Variants in LRRTM4 observed in about 807,000 individuals in gnomAD.
LRRTM4 encodes leucine rich repeat transmembrane neuronal 4.
Under a neutral mutation model 47.6 loss-of-function variants are expected in LRRTM4, and 25 were observed. That is an observed-to-expected ratio of 0.53 (90% CI 0.38 to 0.73). The LOEUF (loss-of-function observed/expected upper bound fraction) is 0.73, where lower values mean the gene tolerates loss of function less well. LRRTM4 is among the 30% of genes least tolerant of loss of function. LRRTM4 has a pLI of 0.00. For missense variants in LRRTM4, 638 were observed against 713.4 expected (o/e 0.89, Z 1.20); for synonymous variants, 311 against 269.5 (o/e 1.15, Z -1.51).
intron 3 of LRRTM4, among the ~76,000 whole-genome samples, chr2:77,402,758 C>A (rs548246108): frequency 3.9e-5 from 6 of 152,008 alleles, no homozygotes; most frequent in Admixed American, 2.6e-4. Context: ...TGATTCAGAT[C>A]CCCCATCCTC....
At chr2:77,068,943 G>A (rs187034973) in intron 3 of LRRTM4, among the ~76,000 whole-genome samples, 5 of 152,302 alleles carry the variant, frequency 3.3e-5, no homozygotes, top group Admixed American at 1.3e-4. Flanking sequence ...TAGCATGAGC[G>A]ATCTGTGCCT....
At chr2:77,164,383 C>T (rs1672820924) in intron 3 of LRRTM4, among the ~76,000 whole-genome samples, 1 of 152,124 alleles carries the variant, frequency 6.6e-6, no homozygotes, top group Non-Finnish European at 1.5e-5. Flanking sequence ...ACCCTACTGT[C>T]AACATTAGAC....
At chr2:76,819,102 G>T (rs923667034) in intron 3 of LRRTM4, among the ~76,000 whole-genome samples, 4 of 151,776 alleles carry the variant, frequency 2.6e-5, no homozygotes, top group African/African-American at 9.6e-5. Context: ...GACAAATGAG[G>T]TTTGATTAAA....
chr2:77,090,595 G>A (rs553420190), intron 3 of LRRTM4, among the ~76,000 whole-genome samples: 2 of 152,028 alleles, frequency 1.3e-5, no homozygotes, highest in Admixed American at 6.5e-5. Context: ...ACTTCCAAAC[G>A]CCTGAACCGC....
chr2:76,759,180 A>G lies in LRRTM4; in HGVS notation c.1552-10264T>C, dbSNP rs116422737. Among the ~76,000 whole-genome samples the G allele has an allele frequency of 3.2e-3, 492 of 152,286 alleles. 3 individuals are homozygous for G. The highest frequency in any genetic ancestry group is 0.011 in the African/African-American group (462 of 41,554). On this transcript the variant is annotated intron_variant, in intron 3 of 3. Transcript: ENST00000409884. ...TACTCAAGGAGTTTATTAAGAACTG[A>G]CAGAATGAGACAAACCTAATTCCAC...
intron 3 of LRRTM4, among the ~76,000 whole-genome samples, chr2:77,088,312 CA>C (rs1469078062): frequency 3.3e-5 from 5 of 152,068 alleles, no homozygotes; most frequent in African/African-American, 9.7e-5. Context: ...TTAAGAATCA[CA>C]AAAGAAGTGA....
chr2:76,930,579 G>T (rs965605536), intron 3 of LRRTM4, among the ~76,000 whole-genome samples: 5 of 152,124 alleles, frequency 3.3e-5, no homozygotes, highest in Non-Finnish European at 7.4e-5. Context: ...TTCTCCGGGA[G>T]ATTTTCTTCA....
At chr2:77,173,837 T>G (rs1673120155) in intron 3 of LRRTM4, among the ~76,000 whole-genome samples, 1 of 152,156 alleles carries the variant, frequency 6.6e-6, no homozygotes, top group African/African-American at 2.4e-5. Flanking sequence ...ATCAGTTGTT[T>G]CCTATCCTAG....
In LRRTM4 at chr2:77,417,767, G is replaced by T. The variant is rs139115261; in HGVS notation, c.1551+100551C>A. Among the ~76,000 whole-genome samples, 9 of 148,386 alleles carry T rather than the reference G, an allele frequency of 6.1e-5. No individual in the cohort carries two copies. The South Asian group carries it at 8.3e-4, about 14-fold the overall frequency. On this transcript the variant is annotated intron_variant, in intron 3 of 3. Coordinates refer to ENST00000409884, the MANE Select transcript of LRRTM4 (RefSeq NM_001134745.3). ...ATCACACACTGGGGCCTGTTGTTGG[G>T]GGGGAAGGGGGGAGGAATAGCATTT...
chr2:76,849,924 A>G (rs747786496), intron 3 of LRRTM4, among the ~76,000 whole-genome samples: 1 of 152,126 alleles, frequency 6.6e-6, no homozygotes, highest in Non-Finnish European at 1.5e-5. Context: ...GAAAAGAAAG[A>G]TGATTGGTAG....
intron 3 of LRRTM4, among the ~76,000 whole-genome samples, chr2:77,455,575 T>C (rs1676500107): frequency 1.3e-5 from 2 of 151,982 alleles, no homozygotes; most frequent in African/African-American, 4.8e-5. Flanking sequence ...TCATACCCTT[T>C]TTTCCTATTC....
intron 3 of LRRTM4, among the ~76,000 whole-genome samples, chr2:77,068,880 C>G (rs1166241007): frequency 6.6e-6 from 1 of 151,846 alleles, no homozygotes; most frequent in Non-Finnish European, 1.5e-5. Flanking sequence ...CAAGGAACAC[C>G]TGGACCTCCC....
intron 3 of LRRTM4, among the ~76,000 whole-genome samples, chr2:76,787,556 G>C (rs967598289): frequency 1.3e-5 from 2 of 151,702 alleles, no homozygotes; most frequent in African/African-American, 4.8e-5. Flanking sequence ...AAGAAAGGAA[G>C]TTTTATGAAG....
intron 2 of LRRTM4, among the ~76,000 whole-genome samples, chr2:77,520,688 C>T (rs561767629): frequency 6.6e-6 from 1 of 151,952 alleles, no homozygotes; most frequent in Non-Finnish European, 1.5e-5. Context: ...TTTGCAAATT[C>T]GAAGGATAAA....
intron 3 of LRRTM4, among the ~76,000 whole-genome samples, chr2:76,982,920 G>A (rs575586095): frequency 6.6e-6 from 1 of 152,064 alleles, no homozygotes; most frequent in South Asian, 2.1e-4. Context: ...TTTTGCAATA[G>A]CATAAAAGCA....
At chr2:77,226,482 G>T (rs1049796166) in intron 3 of LRRTM4, among the ~76,000 whole-genome samples, 5 of 149,724 alleles carry the variant, frequency 3.3e-5, no homozygotes, top group Non-Finnish European at 7.4e-5. Context: ...GTTGGTGTTT[G>T]TTTTCTGTCT....
intron 3 of LRRTM4, among the ~76,000 whole-genome samples, chr2:76,836,322 TA>T (rs1671511631): frequency 6.6e-6 from 1 of 152,052 alleles, no homozygotes; most frequent in Non-Finnish European, 1.5e-5. Context: ...AAGTTTTTTT[TA>T]AGCTTGAGAC....
chr2:76,771,593 G>A (rs1673708353), intron 3 of LRRTM4, among the ~76,000 whole-genome samples: 2 of 149,854 alleles, frequency 1.3e-5, no homozygotes. Context: ...CTTGCCTGAA[G>A]CAGCAAGAAG....
intron 3 of LRRTM4, among the ~76,000 whole-genome samples, chr2:77,378,643 T>C (rs1342303090): frequency 6.6e-6 from 1 of 152,144 alleles, no homozygotes; most frequent in Non-Finnish European, 1.5e-5. Flanking sequence ...TCTCCTGCTG[T>C]GATTGAGGTA....
Sources: allele counts gnomAD v4.1 joint callset (sites outside exome capture counted in the v4.1 genomes callset), GRCh38; gene constraint gnomAD v4.1.1; transcripts MANE v1.5; gene names NCBI Gene and HGNC (gene_info 2026-07-23, HGNC 2026-07-21).